Variants in RYR1 observed in about 807,000 individuals in gnomAD.
RYR1 encodes central core disease of muscle.
In RYR1, 342 loss-of-function variants were observed where a neutral mutation model predicts 583.5. That is an observed-to-expected ratio of 0.59 (90% confidence interval 0.54 to 0.64). The LOEUF is 0.64. Ranked by LOEUF, RYR1 falls within the 30% of genes least tolerant of loss-of-function variation. The pLI is 0.00. For synonymous variants in RYR1, 2,791 were observed against 2,822.5 expected (o/e 0.99, Z 0.35); for missense variants, 6,032 against 6,917.2 (o/e 0.87, Z 4.54).
Position 38,499,167 on chromosome 19 carries a change from G to A in RYR1, c.6951G>A (p.Gly2317=). ...LQSCPMLVAK[G]YPDIGWNPCG... ...GCTGCCCCATGCTTGTGGCCAAAGG[G>A]TACCCAGACATTGGCTGGAACCCCT... The change falls in exon 43 of 106, where the codon GGG becomes GGA. Residue 2317 remains glycine, a synonymous_variant. Coordinates refer to ENST00000359596, the MANE Select transcript of RYR1 (RefSeq NM_000540.3). The surrounding 1 kb of genome is among the most constrained non-coding windows in gnomAD (Gnocchi z 7.3). The A allele has an allele frequency of 6.2e-7, 1 of 1,614,192 alleles. No homozygotes were observed. The highest frequency in any genetic ancestry group is 8.5e-7 in the Non-Finnish European group (1 of 1,180,028).
intron 90 of RYR1, among the ~76,000 whole-genome samples, chr19:38,563,953 T>C (rs183948663): frequency 6.6e-6 from 1 of 152,364 alleles, no homozygotes; most frequent in African/African-American, 2.4e-5. Context: ...AGCCCTAGGC[T>C]TGTTTGTGAG....
chr19:38,477,780 A>G lies in RYR1; in HGVS notation c.4364A>G (p.Asp1455Gly), dbSNP rs2145502600. ...SCVWAGWVTPDYHQHDMSFDL... is the reference protein window; with the variant it reads ...SCVWAGWVTPGYHQHDMSFDL... ...GTGTGGGCGGGCTGGGTCACCCCTG[A>G]CTACCATCAGCACGACATGAGCTTC... The change falls in exon 30 of 106, where the codon GAC becomes GGC. Residue 1455 changes from aspartate to glycine, a missense_variant. This residue lies in a region of RYR1 where 2,627 missense variants were observed against 2,961.3 expected (regional missense o/e 0.89). Coordinates refer to ENST00000359596, the MANE Select transcript of RYR1 (RefSeq NM_000540.3). 1 of 1,614,004 alleles carries G rather than the reference A, an allele frequency of 6.2e-7. No individual in the cohort carries two copies. The highest frequency in any genetic ancestry group is 1.3e-5 in the African/African-American group (1 of 74,980).
chr19:38,510,307 A>G (rs528820043), intron 58 of RYR1, among the ~76,000 whole-genome samples, 191 bp from the exon 59 acceptor site: 1 of 151,468 alleles, frequency 6.6e-6, no homozygotes, highest in Admixed American at 6.6e-5. Context: ...GGTGACAAGA[A>G]AAAAAAAAGG....
At chr19:38,559,228 CTTTTTTTTTTTTTT>C (rs34239565) in intron 89 of RYR1, among the ~76,000 whole-genome samples, 47 of 101,306 alleles carry the variant, frequency 4.6e-4, no homozygotes, top group Middle Eastern at 0.012. Context: ...AGGTGGGCTT[CTTTTTTTTTTTTTT>C]TTTTTTTTTG....
At position 38,433,740 on chromosome 19, in the gene RYR1, A is replaced by ACCCCCCCCCCCCCCCCCC; in HGVS notation, c.-86_-85insCCCCCCCCCCCCCCCCCC. 2.8e-6 allele frequency: 2 copies of ACCCCCCCCCCCCCCCCCC among 705,102 alleles called. No homozygotes were observed. The highest frequency in any genetic ancestry group is 2.7e-5 in the East Asian group (1 of 37,370). 43.7% of individuals were successfully genotyped at this position (705,102 alleles called of 1,614,324 possible). ...CCTCTGGTGTCTCCAGAGGTCTCCG[A>ACCCCCCCCCCCCCCCCCC]CCCCAGCCCGCCCCCAGCCCTCCCG... On this transcript the variant is annotated 5_prime_UTR_variant, in exon 1 of 106. Transcript: ENST00000359596.
chr19:38,442,501 G>T, intron 3 of RYR1, 48 bp downstream of exon 3: 4 of 1,427,884 alleles, frequency 2.8e-6, no homozygotes, highest in Non-Finnish European at 3.0e-6. Context: ...ATGGGCGAGA[G>T]GACCCAGGGG....
intron 97 of RYR1, among the ~76,000 whole-genome samples, chr19:38,576,984 C>G (rs1973983670): frequency 6.6e-6 from 1 of 152,056 alleles, no homozygotes; most frequent in Non-Finnish European, 1.5e-5. Context: ...CTCCCGGGTT[C>G]AAGCGATTCT....
intron 42 of RYR1, among the ~76,000 whole-genome samples, chr19:38,497,253 G>A (rs780481057): frequency 1.1e-4 from 17 of 150,304 alleles, no homozygotes; most frequent in African/African-American, 2.5e-4. Context: ...GGGCGGATCC[G>A]CAGTCTACAC....
At position 38,585,033 on chromosome 19, in the gene RYR1, T is replaced by C; in HGVS notation, c.14737T>C (p.Tyr4913His). The change falls in exon 102 of 106, where the codon TAC (tyrosine) becomes CAC (histidine). Residue 4913 changes from tyrosine (Y) to histidine (H), a missense_variant. This residue lies in a region of RYR1 where 189 missense variants were observed against 350.3 expected (regional missense o/e 0.54). Coordinates refer to ENST00000359596, the MANE Select transcript of RYR1 (RefSeq NM_000540.3). ...CCCCGCGGGTGACGAATACGAGCTCTACAGGGTGGTCTTCGACATCACCTT... is the reference window on the plus strand; with the variant it reads ...CCCCGCGGGTGACGAATACGAGCTCCACAGGGTGGTCTTCGACATCACCTT... ...EDPAGDEYEL[Y>H]RVVFDITFFF... 1 of 1,614,094 alleles carries C rather than the reference T, an allele frequency of 6.2e-7. No individual in the cohort carries two copies. The highest frequency in any genetic ancestry group is 8.5e-7 in the Non-Finnish European group (1 of 1,179,998).
intron 9 of RYR1, among the ~76,000 whole-genome samples, chr19:38,447,515 T>C (rs543422296): frequency 6.6e-6 from 1 of 151,414 alleles, no homozygotes; most frequent in East Asian, 2.0e-4. Context: ...CATTCCAGCC[T>C]GGGCGACAGA....
chr19:38,483,207 A>G lies in RYR1; in HGVS notation c.4708-83A>G. The stretch of plus-strand genomic sequence containing the variant: ...GCAGAGCCACTGAAGGGGAGGGGGC[A>G]ATCCAAGAGGTCTCCCTGGAAGTGG... On this transcript the variant is annotated intron_variant, in intron 32 of 105. Transcript: ENST00000359596. This position sits in a 1 kb window ranked among gnomAD's most constrained non-coding sequence, Gnocchi z 6.3. The G allele has an allele frequency of 1.3e-6, 2 of 1,586,346 alleles. No homozygotes were observed. The highest frequency in any genetic ancestry group is 2.2e-5 in the South Asian group (2 of 89,760).
At chr19:38,495,396 A>G (rs1369016338) in intron 39 of RYR1, among the ~76,000 whole-genome samples, 2 of 152,292 alleles carry the variant, frequency 1.3e-5, no homozygotes, top group East Asian at 3.9e-4. Context: ...CCCAGGCTAG[A>G]GTGCAGTGGC....
intron 100 of RYR1, 112 bp downstream of exon 100, chr19:38,580,240 G>A (rs962079741): frequency 4.8e-5 from 77 of 1,590,086 alleles, no homozygotes; most frequent in Non-Finnish European, 6.0e-5. Context: ...GGCCAGGTGC[G>A]CTGAGCCGGG....
intron 58 of RYR1, among the ~76,000 whole-genome samples, chr19:38,509,756 C>G (rs1371502069): frequency 2.7e-5 from 4 of 150,838 alleles, no homozygotes; most frequent in African/African-American, 9.7e-5. Context: ...TGCGCCCGGC[C>G]CAGTATTATT....
chr19:38,535,734 G>T, intron 81 of RYR1: 1 of 594,568 alleles, frequency 1.7e-6, no homozygotes, highest in African/African-American at 1.9e-5. Flanking sequence ...TCTTGCTGCC[G>T]GCTGATTTTT....
chr19:38,554,127 GA>G (rs1447149598), intron 89 of RYR1, among the ~76,000 whole-genome samples: 1 of 151,928 alleles, frequency 6.6e-6, no homozygotes. Flanking sequence ...AGTTCCAGCA[GA>G]TGGAGGGAAA....
intron 84 of RYR1, among the ~76,000 whole-genome samples, chr19:38,541,185 AT>A (rs1273616044): frequency 6.6e-6 from 1 of 152,196 alleles, no homozygotes; most frequent in African/African-American, 2.4e-5. Context: ...TTCTAATTCA[AT>A]TGATCTGGGG....
chr19:38,444,207 G>A lies in RYR1; in HGVS notation c.483G>A (p.Lys161=). Residue 161 remains lysine, a synonymous_variant, in exon 6 of 106, where the codon AAG becomes AAA. Transcript: ENST00000359596. This position sits in a 1 kb window ranked among gnomAD's most constrained non-coding sequence, Gnocchi z 5.1. ...CCAAGCAGAGGTCTGAAGGAGAAAAGGTCCGCGTTGGGGATGACATCATCC... is the reference window on the plus strand; with the variant it reads ...CCAAGCAGAGGTCTGAAGGAGAAAAAGTCCGCGTTGGGGATGACATCATCC... The part of the protein sequence containing the change: ...PASKQRSEGE[K]VRVGDDIILV... 6.2e-7 allele frequency: 1 copy of A among 1,614,086 alleles called. No individual in the cohort carries two copies.
chr19:38,446,546 G>A lies in RYR1; in HGVS notation c.706G>A (p.Asp236Asn). 6.2e-7 allele frequency: 1 copy of A among 1,614,140 alleles called. No individual in the cohort carries two copies. The highest frequency in any genetic ancestry group is 1.1e-5 in the South Asian group (1 of 91,084). The change falls in exon 8 of 106, where the codon GAC becomes AAC. Residue 236 changes from aspartate to asparagine, a missense_variant. Around this residue, in one of 11 missense-constraint regions of RYR1, gnomAD observed 338 missense variants for 441.6 expected, o/e 0.77. Transcript: ENST00000359596. ...MDECLTISPA[D>N]SDDQRRLVYY... ...TGAGTGTCTGACCATTTCCCCTGCT[G>A]ACAGTGATGACCAGCGCAGGTCTGG...
Sources: allele counts gnomAD v4.1 joint callset (sites outside exome capture counted in the v4.1 genomes callset), GRCh38; gene constraint gnomAD v4.1.1; regional missense constraint gnomAD v4.1.1; non-coding constraint Gnocchi (gnomAD v3.1); transcripts MANE v1.5; gene names NCBI Gene and HGNC (gene_info 2026-07-23, HGNC 2026-07-21).